Variants in PHTF2 observed in about 807,000 individuals in gnomAD.
PHTF2 encodes the protein putative homeodomain transcription factor 2.
A neutral mutation model predicts 101.2 loss-of-function variants in PHTF2; 60 were observed. The ratio of observed to expected loss-of-function variants is 0.59; its 90% confidence interval spans 0.48 to 0.73. The LOEUF (loss-of-function observed/expected upper bound fraction) is 0.73, where lower values mean the gene tolerates loss of function less well. Ranked by LOEUF, PHTF2 falls within the 30% of genes least tolerant of loss-of-function variation. The pLI, the probability that PHTF2 is intolerant of heterozygous loss-of-function variation, is 0.00. For missense variants in PHTF2, 747 were observed against 908.7 expected (o/e 0.82, Z 2.29); for synonymous variants, 311 against 307.3 (o/e 1.01, Z -0.13).
chr7:77,808,743 G>T (rs901669916), intron 1 of PHTF2, among the ~76,000 whole-genome samples: 1 of 152,088 alleles, frequency 6.6e-6, no homozygotes, highest in Non-Finnish European at 1.5e-5. Context: ...TCAGTGTAGG[G>T]GTACTTCTGG....
chr7:77,872,795 G>A (rs371945957), intron 3 of PHTF2, among the ~76,000 whole-genome samples: 2 of 152,182 alleles, frequency 1.3e-5, no homozygotes, highest in Admixed American at 1.3e-4. Flanking sequence ...TGACTAATCC[G>A]CTCCACCATC....
At chr7:77,818,882 T>A (rs1216164144) in intron 1 of PHTF2, among the ~76,000 whole-genome samples, 1 of 152,218 alleles carries the variant, frequency 6.6e-6, no homozygotes, top group African/African-American at 2.4e-5. Flanking sequence ...ATGCATGAGA[T>A]GTCTTTCATT....
intron 9 of PHTF2, among the ~76,000 whole-genome samples, chr7:77,917,422 C>A (rs1377675637): frequency 6.6e-6 from 1 of 152,172 alleles, no homozygotes; most frequent in Non-Finnish European, 1.5e-5. Flanking sequence ...GTGAGCACAG[C>A]TAGAAAATGT....
intron 5 of PHTF2, among the ~76,000 whole-genome samples, chr7:77,894,595 A>G (rs1800726516): frequency 6.6e-6 from 1 of 152,228 alleles, no homozygotes; most frequent in Non-Finnish European, 1.5e-5. Flanking sequence ...AAGTTGTGGT[A>G]TGCGTTAAAT....
intron 1 of PHTF2, among the ~76,000 whole-genome samples, chr7:77,807,266 A>G (rs1040573084): frequency 3.9e-5 from 6 of 152,170 alleles, no homozygotes; most frequent in African/African-American, 9.7e-5. Context: ...GTGATTGTTG[A>G]ATCTTATGAT....
At chr7:77,861,924 G>A (rs1797675705) in intron 3 of PHTF2, among the ~76,000 whole-genome samples, 1 of 152,112 alleles carries the variant, frequency 6.6e-6, no homozygotes, top group South Asian at 2.1e-4. Flanking sequence ...GGGTGTGGTA[G>A]CGCATGCCTG....
At chr7:77,807,187 A>G (rs73374181) in intron 1 of PHTF2, among the ~76,000 whole-genome samples, 2 of 152,096 alleles carry the variant, frequency 1.3e-5, no homozygotes, top group East Asian at 3.8e-4. Context: ...TAGTGCTGCT[A>G]TGAATATGAG....
rs553406310 is a variant in PHTF2 at position 77,910,789 on chromosome 7, G to A, written c.776+380G>A. Among the ~76,000 whole-genome samples, 7 of 152,074 alleles carry A rather than the reference G, an allele frequency of 4.6e-5. No individual in the cohort carries two copies. The East Asian group carries it at 7.7e-4, about 17-fold the overall frequency. ...CCCGAGTAGCTGGGCTTACAGGCAC[G>A]TGCCACCACACCTGGCTAATTTTTT... On this transcript the variant is annotated intron_variant, in intron 9 of 19. Coordinates refer to ENST00000416283, the Ensembl canonical transcript of PHTF2.
At chr7:77,916,784 A>T (rs1256130296) in intron 9 of PHTF2, among the ~76,000 whole-genome samples, 1 of 152,186 alleles carries the variant, frequency 6.6e-6, no homozygotes, top group Non-Finnish European at 1.5e-5. Context: ...TATAAATGTT[A>T]TGTAAATCAT....
At position 77,929,286 on chromosome 7, in the gene PHTF2, C is replaced by G. The variant is rs201299569; in HGVS notation, c.1297C>G (p.Pro433Ala). ...AGATGTGGAAAATCATCAGATTAAT[C>G]CATGTGTGAAAAAAGAATATAGAGA... is the stretch of plus-strand genomic sequence containing the variant. Residue 433 changes from proline to alanine, a missense_variant, in exon 12 of 20, where the codon CCA becomes GCA. Physicochemically the swap from Pro to Ala is conservative, Grantham distance 27. Around this residue, in one of 6 missense-constraint regions of PHTF2, gnomAD observed 349 missense variants for 369.7 expected, o/e 0.94. Coordinates refer to ENST00000416283, the Ensembl canonical transcript of PHTF2. 55 of 1,610,758 alleles carry G rather than the reference C, an allele frequency of 3.4e-5. No individual in the cohort carries two copies. The African/African-American group carries it at 7.2e-4, about 21-fold the overall frequency.
intron 13 of PHTF2, among the ~76,000 whole-genome samples, chr7:77,938,197 T>A (rs1364687762): frequency 2.0e-5 from 3 of 152,158 alleles, no homozygotes; most frequent in African/African-American, 4.8e-5. Context: ...AATAAAAAAA[T>A]AATTAAAAAG....
At chr7:77,831,000 C>A (rs1474875303) in intron 1 of PHTF2, among the ~76,000 whole-genome samples, 1 of 152,222 alleles carries the variant, frequency 6.6e-6, no homozygotes, top group Non-Finnish European at 1.5e-5. Flanking sequence ...AATGATGAGA[C>A]AGCAGAAGAC....
At chr7:77,813,397 A>G (rs1225527042) in intron 1 of PHTF2, among the ~76,000 whole-genome samples, 1 of 152,250 alleles carries the variant, frequency 6.6e-6, no homozygotes, top group Non-Finnish European at 1.5e-5. Flanking sequence ...AGCAACTGAG[A>G]CCTGACCATT....
Position 77,925,313 on chromosome 7 carries a change from A to G in PHTF2, c.1119+2535A>G, listed in dbSNP as rs563405565. 1.6e-4 allele frequency among the ~76,000 whole-genome samples: 25 copies of G among 152,226 alleles called. No homozygotes were observed. The East Asian group carries it at 4.8e-3, about 29-fold the overall frequency. The stretch of plus-strand genomic sequence containing the variant: ...TATGTTCAGTTTTAGGCGTCTAAAG[A>G]TTTGACATGACTAGCAGTAGAAACC... On this transcript the variant is annotated intron_variant, in intron 11 of 19. Coordinates refer to ENST00000416283, the Ensembl canonical transcript of PHTF2.
intron 3 of PHTF2, among the ~76,000 whole-genome samples, chr7:77,870,339 C>G (rs1013845956): frequency 6.7e-6 from 1 of 149,882 alleles, no homozygotes; most frequent in Non-Finnish European, 1.5e-5. Flanking sequence ...TAAGTATTAA[C>G]TCACACTATC....
chr7:77,811,915 A>G (rs908390537), intron 1 of PHTF2, among the ~76,000 whole-genome samples: 1 of 152,166 alleles, frequency 6.6e-6, no homozygotes, highest in Non-Finnish European at 1.5e-5. Context: ...ATACAGCTTT[A>G]TTTTCAGAAA....
intron 10 of PHTF2, among the ~76,000 whole-genome samples, chr7:77,921,933 T>C (rs1038227307): frequency 3.3e-5 from 5 of 152,084 alleles, no homozygotes; most frequent in African/African-American, 1.2e-4. Context: ...AATTGATGGC[T>C]TTTTCAGTTT....
At chr7:77,865,845 T>C (rs967723365) in intron 3 of PHTF2, among the ~76,000 whole-genome samples, 1 of 152,144 alleles carries the variant, frequency 6.6e-6, no homozygotes, top group African/African-American at 2.4e-5. Flanking sequence ...GGGACTTGAT[T>C]TGAGTTGTCA....
chr7:77,856,786 GTATA>G (rs1472123038), intron 3 of PHTF2, among the ~76,000 whole-genome samples: 2 of 152,012 alleles, frequency 1.3e-5, no homozygotes, highest in African/African-American at 4.8e-5. Flanking sequence ...ATTATATAAA[GTATA>G]TGAGAGGATG....
Sources: allele counts gnomAD v4.1 joint callset (sites outside exome capture counted in the v4.1 genomes callset), GRCh38; gene constraint gnomAD v4.1.1; regional missense constraint gnomAD v4.1.1; transcripts MANE v1.5; gene names NCBI Gene and HGNC (gene_info 2026-07-23, HGNC 2026-07-21).